PLCH1: variants seen among roughly 807,000 people sequenced by gnomAD.
PLCH1 encodes the protein 1-phosphatidylinositol 4,5-bisphosphate phosphodiesterase eta-1.
In PLCH1, 60 loss-of-function variants were observed where a neutral mutation model predicts 126.7. The ratio of observed to expected loss-of-function variants is 0.47; its 90% CI spans 0.38 to 0.59. The LOEUF (loss-of-function observed/expected upper bound fraction) is 0.59. Ranked by LOEUF, PLCH1 falls within the 20% of genes least tolerant of loss-of-function variation. The probability of loss-of-function intolerance (pLI) is 0.00; values close to 1 mark genes in which losing one functional copy is unlikely to be tolerated. For synonymous variants in PLCH1, 719 were observed against 734.9 expected (o/e 0.98, Z 0.35); for missense variants, 1,723 against 2,040.0 (o/e 0.84, Z 2.99).
At chr3:155,508,471 G>C (rs1390542694) in intron 12 of PLCH1, among the ~76,000 whole-genome samples, 173 of 55,730 alleles carry the variant, frequency 3.1e-3, no homozygotes, top group Non-Finnish European at 4.1e-3. Flanking sequence ...TGCCCATTCA[G>C]TATGATATTG....
intron 2 of PLCH1, among the ~76,000 whole-genome samples, chr3:155,611,172 C>T (rs1227393749): frequency 6.6e-6 from 1 of 152,052 alleles, no homozygotes; most frequent in Admixed American, 6.6e-5. Context: ...GGCAGATCAC[C>T]TGAGGTCAGG....
chr3:155,658,027 GA>G, intron 2 of PLCH1: 2 of 198,092 alleles, frequency 1.0e-5, no homozygotes, highest in Admixed American at 4.6e-5. Flanking sequence ...AAAGGAAAAG[GA>G]AAAGGTTCAT....
At chr3:155,596,081 T>C (rs1577096950) in intron 3 of PLCH1, 151 bp downstream of exon 3, 13 of 625,356 alleles carry the variant, frequency 2.1e-5, no homozygotes, top group Non-Finnish European at 3.6e-5. Flanking sequence ...CCAAAGATGG[T>C]CATTATTCTG....
chr3:155,678,780 C>T (rs866892139), intron 2 of PLCH1, among the ~76,000 whole-genome samples: 1 of 152,180 alleles, frequency 6.6e-6, no homozygotes, highest in African/African-American at 2.4e-5. Flanking sequence ...TTTCCAGATT[C>T]GTTCTAGCAT....
Position 155,485,553 on chromosome 3 carries a change from AT to A in PLCH1, c.2776del (p.Met926TrpfsTer9). On this transcript the variant is annotated frameshift_variant, in exon 22 of 23. Coordinates refer to ENST00000460012, the MANE Select transcript of PLCH1 (RefSeq NM_014996.4). LOFTEE classifies it high-confidence loss of function. The stretch of plus-strand genomic sequence containing the variant: ...TATCTCCACCATTTCTTGGAAGCCC[AT>A]TTTGCTCTTTTTCCTGCCTTTGGCT... ...APAKGRKKSK[M>X]GFQEMVEIKD... 6.2e-7 allele frequency: 1 copy of A among 1,614,084 alleles called. No homozygotes were observed. Among genetic ancestry groups the A allele is most frequent in the Non-Finnish European group, 8.5e-7 (1 of 1,180,002 alleles).
chr3:155,496,588 A>G (rs1343508688), intron 15 of PLCH1, among the ~76,000 whole-genome samples: 1 of 152,194 alleles, frequency 6.6e-6, no homozygotes, highest in Non-Finnish European at 1.5e-5. Flanking sequence ...CCCTTCACTA[A>G]AACTTGTTGA....
At chr3:155,593,080 A>G (rs1368829375) in intron 4 of PLCH1, among the ~76,000 whole-genome samples, 1 of 152,130 alleles carries the variant, frequency 6.6e-6, no homozygotes, top group East Asian at 1.9e-4. Context: ...CCTGCGAAAA[A>G]AATTAGGGCA....
chr3:155,637,515 T>C (rs1738880355), intron 2 of PLCH1, among the ~76,000 whole-genome samples: 1 of 152,204 alleles, frequency 6.6e-6, no homozygotes, highest in East Asian at 1.9e-4. Context: ...CGATTCAAAG[T>C]TCATATTATT....
chr3:155,455,254 C>A (rs958637640), intron 21 of PLCH1, among the ~76,000 whole-genome samples: 3 of 152,170 alleles, frequency 2.0e-5, no homozygotes, highest in South Asian at 2.1e-4. Context: ...CACCCTGCCA[C>A]TGGTTGCAGC....
intron 21 of PLCH1, among the ~76,000 whole-genome samples, chr3:155,460,802 A>ATAGG (rs1443456545): frequency 3.4e-5 from 5 of 145,632 alleles, no homozygotes; most frequent in Non-Finnish European, 7.5e-5. Flanking sequence ...AGATAGATAG[A>ATAGG]TAGATAGATA....
At chr3:155,523,863 A>G (rs1490311922) in intron 11 of PLCH1, 34 bp downstream of exon 11, 2 of 1,228,836 alleles carry the variant, frequency 1.6e-6, no homozygotes, top group Admixed American at 3.9e-5. Context: ...ACAGCATATC[A>G]AGGATAAAAA....
At chr3:155,488,222 G>C (rs886892029) in intron 20 of PLCH1, 115 bp from the exon 21 acceptor site, 2 of 655,610 alleles carry the variant, frequency 3.1e-6, no homozygotes, top group African/African-American at 1.8e-5. Flanking sequence ...TTTTGAGACA[G>C]AGTGTTGCTC....
At chr3:155,511,512 G>A (rs1320160969) in intron 12 of PLCH1, among the ~76,000 whole-genome samples, 2 of 121,548 alleles carry the variant, frequency 1.6e-5, no homozygotes, top group African/African-American at 4.0e-5. Flanking sequence ...TTTGATGATG[G>A]TGATGTACAG....
At position 155,580,792 on chromosome 3, in the gene PLCH1, G is replaced by C. The variant is rs563466537; in HGVS notation, c.771+2680C>G. 3.9e-5 allele frequency among the ~76,000 whole-genome samples: 6 copies of C among 151,968 alleles called. No homozygotes were observed. The East Asian group carries it at 1.2e-3, about 29-fold the overall frequency. On this transcript the variant is annotated intron_variant, in intron 6 of 22. Transcript: ENST00000460012. ...AATAAATTTTATTCTACCTCAAAAA[G>C]GAAAAATCCAGCAAACGTTAAAAAG...
At chr3:155,557,916 C>T (rs1361660284) in intron 8 of PLCH1, among the ~76,000 whole-genome samples, 2 of 152,100 alleles carry the variant, frequency 1.3e-5, no homozygotes, top group African/African-American at 4.8e-5. Context: ...ACATCAGTCC[C>T]ATAATGAGAA....
At chr3:155,458,582 G>GA (rs1560027635) in intron 21 of PLCH1, among the ~76,000 whole-genome samples, 1 of 148,936 alleles carries the variant, frequency 6.7e-6, no homozygotes, top group African/African-American at 2.5e-5. Context: ...AAGAAAGAAA[G>GA]GAAGAAAGAA....
chr3:155,458,416 AGG>A (rs1486713845), intron 21 of PLCH1, among the ~76,000 whole-genome samples: 6 of 68,134 alleles, frequency 8.8e-5, no homozygotes, highest in African/African-American at 6.6e-4. Context: ...GAAGGAAGGA[AGG>A]AAGGAAGGAA....
chr3:155,528,614 C>T (rs1353718767), intron 10 of PLCH1, among the ~76,000 whole-genome samples: 1 of 152,096 alleles, frequency 6.6e-6, no homozygotes, highest in East Asian at 1.9e-4. Flanking sequence ...AGAATAAAAA[C>T]CAACATATGT....
At chr3:155,596,957 A>T (rs531692177) in intron 2 of PLCH1, among the ~76,000 whole-genome samples, 1 of 152,368 alleles carries the variant, frequency 6.6e-6, no homozygotes, top group East Asian at 1.9e-4. Context: ...GATGCATTAA[A>T]CTGCTAAGAT....
Sources: allele counts gnomAD v4.1 joint callset (sites outside exome capture counted in the v4.1 genomes callset), GRCh38; gene constraint gnomAD v4.1.1; transcripts MANE v1.5; gene names NCBI Gene and HGNC (gene_info 2026-07-23, HGNC 2026-07-21).